The following ITPR2 variants were observed in gnomAD, a reference collection of about 807,000 sequenced individuals.
The protein encoded by ITPR2 is inositol 1,4,5-trisphosphate-gated calcium channel ITPR2.
A neutral mutation model predicts 317.1 loss-of-function variants in ITPR2; 207 were observed. The ratio of observed to expected loss-of-function variants is 0.65; its 90% CI spans 0.58 to 0.73. The LOEUF is 0.73. Among genes scored for constraint, ITPR2 ranks in the 30% least tolerant of loss-of-function variants. The pLI is 0.00. For synonymous variants in ITPR2, 1,156 were observed against 1,149.1 expected, an observed-to-expected ratio of 1.01 and a Z score of -0.12; for missense variants, 2,613 against 3,284.0, an observed-to-expected ratio of 0.80 and a Z score of 4.99.
intron 21 of ITPR2, among the ~76,000 whole-genome samples, chr12:26,632,996 C>T (rs1287896045): frequency 6.6e-6 from 1 of 152,160 alleles, no homozygotes; most frequent in Non-Finnish European, 1.5e-5. Context: ...CCTTTCCAAA[C>T]AGTGGTCTTT....
At chr12:26,378,572 C>T (rs1431669112) in intron 55 of ITPR2, among the ~76,000 whole-genome samples, 4 of 152,112 alleles carry the variant, frequency 2.6e-5, no homozygotes, top group East Asian at 1.9e-4. Flanking sequence ...TTTCTCTGGC[C>T]GCTGAATGTC....
intron 55 of ITPR2, among the ~76,000 whole-genome samples, chr12:26,386,247 G>A (rs533075059): frequency 1.3e-5 from 2 of 152,212 alleles, no homozygotes; most frequent in African/African-American, 4.8e-5. Flanking sequence ...AGGAGGAGGA[G>A]GCAGAAAGGC....
chr12:26,525,197 C>T (rs1943779602), intron 37 of ITPR2, among the ~76,000 whole-genome samples: 1 of 152,106 alleles, frequency 6.6e-6, no homozygotes, highest in Non-Finnish European at 1.5e-5. Flanking sequence ...GCATGGAAGG[C>T]AGGGGATGGC....
At chr12:26,436,448 T>C (rs1941350529) in intron 47 of ITPR2, 102 bp from the exon 48 acceptor site, 1 of 982,376 alleles carries the variant, frequency 1.0e-6, no homozygotes, top group Non-Finnish European at 1.5e-6. Context: ...ATCATTTTTG[T>C]AAACTATTAT....
intron 39 of ITPR2, among the ~76,000 whole-genome samples, chr12:26,493,702 T>G (rs1018438507): frequency 2.4e-4 from 37 of 152,250 alleles, no homozygotes; most frequent in African/African-American, 8.7e-4. Context: ...TATTATTATT[T>G]AACCATAATG....
At chr12:26,586,305 G>T (rs562419922) in intron 32 of ITPR2, among the ~76,000 whole-genome samples, 1 of 151,816 alleles carries the variant, frequency 6.6e-6, no homozygotes, top group South Asian at 2.1e-4. Flanking sequence ...CCACCATGCC[G>T]AGCTTATTTT....
chr12:26,656,276 A>G, intron 19 of ITPR2, 21 bp downstream of exon 19: 2 of 1,612,574 alleles, frequency 1.2e-6, no homozygotes, highest in Non-Finnish European at 8.5e-7. Flanking sequence ...CCAAAGCCTC[A>G]AGACCTTTTT....
At chr12:26,720,091 A>C (rs1022587405) in intron 5 of ITPR2, among the ~76,000 whole-genome samples, 1 of 152,176 alleles carries the variant, frequency 6.6e-6, no homozygotes, top group East Asian at 1.9e-4. Flanking sequence ...TACAGCTGAA[A>C]GTACAGGGAT....
At chr12:26,572,565 A>G (rs771138363) in intron 34 of ITPR2, among the ~76,000 whole-genome samples, 9 of 152,248 alleles carry the variant, frequency 5.9e-5, no homozygotes, top group Non-Finnish European at 1.3e-4. Flanking sequence ...CCAGTTGACT[A>G]GGGTATTTAG....
intron 51 of ITPR2, among the ~76,000 whole-genome samples, chr12:26,415,021 G>A (rs1435649024): frequency 6.6e-6 from 1 of 152,086 alleles, no homozygotes; most frequent in Non-Finnish European, 1.5e-5. Flanking sequence ...CACTGAAGTT[G>A]TTGACTATCT....
At chr12:26,364,672 T>C (rs569410919) in intron 55 of ITPR2, among the ~76,000 whole-genome samples, 3 of 152,340 alleles carry the variant, frequency 2.0e-5, no homozygotes, top group Admixed American at 2.0e-4. Context: ...CTTCTCATTA[T>C]AATCTGGCGT....
At chr12:26,459,321 T>A (rs1274213467) in intron 45 of ITPR2, among the ~76,000 whole-genome samples, 2 of 152,254 alleles carry the variant, frequency 1.3e-5, no homozygotes, top group East Asian at 1.9e-4. Flanking sequence ...TATTTTGCCC[T>A]CATTCTGCTT....
chr12:26,599,865 G>T, intron 29 of ITPR2, 122 bp downstream of exon 29: 1 of 715,424 alleles, frequency 1.4e-6, no homozygotes, highest in Non-Finnish European at 2.3e-6. Flanking sequence ...TCTGGAGAGA[G>T]AATTTCCACA....
At chr12:26,502,441 G>A (rs1206731387) in intron 37 of ITPR2, among the ~76,000 whole-genome samples, 1 of 152,192 alleles carries the variant, frequency 6.6e-6, no homozygotes, top group Non-Finnish European at 1.5e-5. Context: ...ATAAATCAGT[G>A]CCTCATAAAA....
chr12:26,552,294 T>A (rs981404655), intron 36 of ITPR2, among the ~76,000 whole-genome samples: 2 of 152,098 alleles, frequency 1.3e-5, no homozygotes, highest in Non-Finnish European at 2.9e-5. Context: ...GCTCAAGCTA[T>A]CCTCCCACCT....
chr12:26,829,008 G>A (rs1951054332), intron 1 of ITPR2, among the ~76,000 whole-genome samples: 1 of 152,140 alleles, frequency 6.6e-6, no homozygotes, highest in Non-Finnish European at 1.5e-5. Flanking sequence ...TCTCTTATAT[G>A]AATTTTAAAT....
intron 55 of ITPR2, among the ~76,000 whole-genome samples, chr12:26,384,613 G>T (rs1369848616): frequency 6.6e-6 from 1 of 152,166 alleles, no homozygotes; most frequent in African/African-American, 2.4e-5. Context: ...TGCTTTTAAT[G>T]TTAAGGCCAG....
chr12:26,643,284 G>A (rs1402388807), intron 21 of ITPR2, among the ~76,000 whole-genome samples: 1 of 152,222 alleles, frequency 6.6e-6, no homozygotes, highest in Non-Finnish European at 1.5e-5. Context: ...TGTTATAGCA[G>A]TCCAAATAGT....
chr12:26,679,540 T>G (rs1947987146), intron 13 of ITPR2, among the ~76,000 whole-genome samples: 1 of 152,172 alleles, frequency 6.6e-6, no homozygotes, highest in African/African-American at 2.4e-5. Context: ...TCCTGTTTTT[T>G]GTCACAATGA....
Sources: allele counts gnomAD v4.1 joint callset (sites outside exome capture counted in the v4.1 genomes callset), GRCh38; gene constraint gnomAD v4.1.1; transcripts MANE v1.5; gene names NCBI Gene and HGNC (gene_info 2026-07-23, HGNC 2026-07-21).